CCSER1: variants seen among roughly 807,000 people sequenced by gnomAD.
CCSER1 encodes serine-rich coiled-coil domain-containing protein 1.
Under a neutral mutation model 82.0 loss-of-function variants are expected in CCSER1, and 41 were observed. The ratio of observed to expected loss-of-function variants is 0.50; its 90% confidence interval spans 0.39 to 0.65. The LOEUF is 0.65. Among genes scored for constraint, CCSER1 ranks in the 30% least tolerant of loss-of-function variants. CCSER1 has a pLI of 0.00. For missense variants in CCSER1, 1,119 were observed against 1,064.2 expected (o/e 1.05, Z -0.72); for synonymous variants, 414 against 383.9 (o/e 1.08, Z -0.92).
chr4:91,358,824 C>T (rs928863171), intron 10 of CCSER1, among the ~76,000 whole-genome samples: 14 of 152,150 alleles, frequency 9.2e-5, no homozygotes, highest in African/African-American at 2.2e-4. Context: ...CCCGGGAGCG[C>T]TCTTTGGATC....
intron 8 of CCSER1, among the ~76,000 whole-genome samples, chr4:90,853,040 G>T (rs11940698): frequency 6.6e-6 from 1 of 151,464 alleles, no homozygotes; most frequent in Admixed American, 6.6e-5. Flanking sequence ...ATAAAGTACG[G>T]AATAAAGAAG....
intron 10 of CCSER1, among the ~76,000 whole-genome samples, chr4:91,466,168 C>G (rs1358763456): frequency 1.3e-5 from 2 of 152,154 alleles, no homozygotes; most frequent in African/African-American, 4.8e-5. Flanking sequence ...ATCAAATGGG[C>G]TTCATCCCTG....
chr4:90,759,138 AC>A (rs1750042491), intron 7 of CCSER1, among the ~76,000 whole-genome samples: 1 of 152,066 alleles, frequency 6.6e-6, no homozygotes, highest in Non-Finnish European at 1.5e-5. Flanking sequence ...CTAGACACCA[AC>A]GCTTCCTCCC....
chr4:91,388,864 G>T (rs926983639), intron 10 of CCSER1, among the ~76,000 whole-genome samples: 2 of 151,910 alleles, frequency 1.3e-5, no homozygotes, highest in Non-Finnish European at 2.9e-5. Flanking sequence ...TTTAGAATCG[G>T]TTTGAAAATG....
At chr4:90,989,631 GA>G (rs948986131) in intron 9 of CCSER1, among the ~76,000 whole-genome samples, 1 of 151,746 alleles carries the variant, frequency 6.6e-6, no homozygotes, top group Non-Finnish European at 1.5e-5. Context: ...CCTTCCTTTT[GA>G]AAGGTGGAAG....
chr4:90,171,710 C>A (rs1481425255), intron 1 of CCSER1, among the ~76,000 whole-genome samples: 1 of 151,822 alleles, frequency 6.6e-6, no homozygotes, highest in Non-Finnish European at 1.5e-5. Flanking sequence ...ACGGTGTACC[C>A]TGAGCACACA....
At chr4:91,040,510 A>T (rs1217092932) in intron 9 of CCSER1, among the ~76,000 whole-genome samples, 1 of 152,194 alleles carries the variant, frequency 6.6e-6, no homozygotes, top group Non-Finnish European at 1.5e-5. Flanking sequence ...TATTGAAAAT[A>T]TTGGCAGAGT....
At chr4:91,368,870 T>A (rs187626094) in intron 10 of CCSER1, among the ~76,000 whole-genome samples, 1 of 152,186 alleles carries the variant, frequency 6.6e-6, no homozygotes, top group Admixed American at 6.5e-5. Flanking sequence ...GCCAACATAA[T>A]ACAAATATGG....
chr4:90,138,099 C>G (rs1220288238), intron 1 of CCSER1, among the ~76,000 whole-genome samples: 1 of 152,178 alleles, frequency 6.6e-6, no homozygotes, highest in Non-Finnish European at 1.5e-5. Flanking sequence ...CTTTCCCCAC[C>G]AGCTGGTCTA....
At chr4:90,995,772 C>T (rs73834718) in intron 9 of CCSER1, among the ~76,000 whole-genome samples, 4,735 of 152,064 alleles carry the variant, frequency 0.031, 232 homozygotes, top group African/African-American at 0.11. Flanking sequence ...CTTTTCATTC[C>T]ACCAAATGGT....
At chr4:91,120,245 T>C (rs377199899) in intron 10 of CCSER1, among the ~76,000 whole-genome samples, 1 of 152,056 alleles carries the variant, frequency 6.6e-6, no homozygotes, top group Admixed American at 6.6e-5. Flanking sequence ...TGAAACATGA[T>C]ACTTAACTAG....
chr4:91,128,410 C>G (rs1727698739), intron 10 of CCSER1, among the ~76,000 whole-genome samples: 2 of 151,972 alleles, frequency 1.3e-5, no homozygotes. Flanking sequence ...TTTTATCAGT[C>G]ACTTCTTGAA....
intron 10 of CCSER1, among the ~76,000 whole-genome samples, chr4:91,415,743 A>G (rs934592353): frequency 6.6e-6 from 1 of 152,202 alleles, no homozygotes; most frequent in African/African-American, 2.4e-5. Context: ...CCAACCTTGC[A>G]TTCCAGGAAG....
At chr4:90,459,831 G>T (rs1156909558) in intron 4 of CCSER1, among the ~76,000 whole-genome samples, 1 of 152,032 alleles carries the variant, frequency 6.6e-6, no homozygotes, top group Admixed American at 6.6e-5. Flanking sequence ...GAACACCATT[G>T]GCTATATCAG....
intron 10 of CCSER1, among the ~76,000 whole-genome samples, chr4:91,212,440 T>C (rs1736895694): frequency 6.6e-6 from 1 of 152,052 alleles, no homozygotes; most frequent in South Asian, 2.1e-4. Flanking sequence ...TAAGTGGTTC[T>C]AGCGTATGTC....
At chr4:90,655,639 C>G (rs954869748) in intron 6 of CCSER1, among the ~76,000 whole-genome samples, 1 of 151,762 alleles carries the variant, frequency 6.6e-6, no homozygotes, top group African/African-American at 2.4e-5. Flanking sequence ...TAGATCTTTC[C>G]TTATAGTTTT....
chr4:91,061,730 AT>A (rs2148737820), intron 9 of CCSER1, among the ~76,000 whole-genome samples: 1 of 152,170 alleles, frequency 6.6e-6, no homozygotes, highest in African/African-American at 2.4e-5. Flanking sequence ...TATAATTTGA[AT>A]AATAAGCAAA....
chr4:90,434,121 T>A (rs544873721), intron 4 of CCSER1, among the ~76,000 whole-genome samples: 4 of 152,228 alleles, frequency 2.6e-5, no homozygotes, highest in Admixed American at 2.0e-4. Context: ...GTCTTTTATA[T>A]CTGTCATATT....
intron 10 of CCSER1, among the ~76,000 whole-genome samples, chr4:91,419,175 C>CA (rs1753556035): frequency 6.6e-6 from 1 of 151,610 alleles, no homozygotes; most frequent in South Asian, 2.1e-4. Context: ...AGGAGAAAGA[C>CA]AAAAAAAGTC....
Sources: gnomAD v4.1 joint callset for allele counts (sites outside exome capture counted in the v4.1 genomes callset) on GRCh38, gnomAD v4.1.1 for gene constraint, MANE v1.5 for transcripts, NCBI Gene and HGNC (gene_info 2026-07-23, HGNC 2026-07-21) for gene names.